WIF1: variants seen among roughly 807,000 people sequenced by gnomAD.
WIF1 encodes Wnt inhibitory factor 1.
A neutral mutation model predicts 53.5 loss-of-function variants in WIF1; 35 were observed. The ratio of observed to expected loss-of-function variants is 0.65; its 90% CI spans 0.50 to 0.87. The LOEUF is 0.87. WIF1 is among the 40% of genes least tolerant of loss of function. The pLI is 0.00. For synonymous variants in WIF1, 171 were observed against 170.4 expected, an observed-to-expected ratio of 1.00 and a Z score of -0.03; for missense variants, 467 against 476.8, an observed-to-expected ratio of 0.98 and a Z score of 0.19.
chr12:65,115,174 TAAA>T (rs35429732), intron 2 of WIF1, among the ~76,000 whole-genome samples: 3 of 106,738 alleles, frequency 2.8e-5, no homozygotes, highest in East Asian at 2.7e-4. Flanking sequence ...TTGTCATTGC[TAAA>T]AAAAAAAAAA....
chr12:65,117,700 G>A (rs1883533639), intron 2 of WIF1, among the ~76,000 whole-genome samples: 1 of 152,132 alleles, frequency 6.6e-6, no homozygotes, highest in Admixed American at 6.5e-5. Flanking sequence ...GCAACTAGAC[G>A]GTCCTATATG....
chr12:65,078,772 T>A (rs1383975719), intron 2 of WIF1, among the ~76,000 whole-genome samples: 1 of 152,170 alleles, frequency 6.6e-6, no homozygotes, highest in Non-Finnish European at 1.5e-5. Flanking sequence ...GTTGAGAAAA[T>A]GATTCCTGCT....
chr12:65,097,859 T>A (rs1165250440), intron 2 of WIF1, among the ~76,000 whole-genome samples: 2 of 152,212 alleles, frequency 1.3e-5, no homozygotes, highest in Admixed American at 6.6e-5. Flanking sequence ...TCATATCACT[T>A]CGTGTGATAG....
At chr12:65,056,797 G>A (rs1223589373) in intron 7 of WIF1, among the ~76,000 whole-genome samples, 1 of 151,694 alleles carries the variant, frequency 6.6e-6, no homozygotes, top group African/African-American at 2.4e-5. Flanking sequence ...ACACAGACAT[G>A]TGCCACCATG....
At chr12:65,057,154 A>G (rs922730665) in intron 7 of WIF1, among the ~76,000 whole-genome samples, 7 of 152,184 alleles carry the variant, frequency 4.6e-5, no homozygotes, top group Non-Finnish European at 1.0e-4. Context: ...TTGTGGGTGG[A>G]AAACAGGAGT....
In WIF1 at chr12:65,109,487, T is replaced by C. The variant is rs141164018; in HGVS notation, c.288+10930A>G. 7.1e-3 allele frequency among the ~76,000 whole-genome samples: 1,081 copies of C among 152,316 alleles called. 10 individuals are homozygous for C. Among genetic ancestry groups the C allele is most frequent in the African/African-American group, 0.024 (994 of 41,568 alleles). ...TTGCCCCTTTGGTTGGGTTCCCATA[T>C]ACATACATAATACCACAGTTATTAT... is the stretch of plus-strand genomic sequence containing the variant. On this transcript the variant is annotated intron_variant, in intron 2 of 9. Coordinates refer to ENST00000286574, the MANE Select transcript of WIF1 (RefSeq NM_007191.5).
chr12:65,056,331 T>C (rs1458351749), intron 7 of WIF1, among the ~76,000 whole-genome samples: 1 of 150,248 alleles, frequency 6.7e-6, no homozygotes, highest in Non-Finnish European at 1.5e-5. Flanking sequence ...TGCTTTTGGA[T>C]TATAAATGTG....
intron 2 of WIF1, among the ~76,000 whole-genome samples, chr12:65,082,810 G>A (rs1882969614): frequency 6.6e-6 from 1 of 152,104 alleles, no homozygotes; most frequent in African/African-American, 2.4e-5. Context: ...TTCTACCTTT[G>A]AAGTTCTGTG....
At position 65,121,187 on chromosome 12, in the gene WIF1, G is replaced by T. The variant is rs768745974; in HGVS notation, c.5C>A (p.Ala2Asp). ...GGCGGCAGGGAAGGCGCTCCTCCGG[G>T]CCATGCTGCTCAGGACCTCCTCGCT... M[A>D]RRSAFPAAAL... Residue 2 changes from alanine to aspartate, a missense_variant, in exon 1 of 10, where the codon GCC (alanine) becomes GAC (aspartate). Ala to Asp is a moderately radical substitution (Grantham distance 126). Transcript: ENST00000286574. 1 of 1,533,612 alleles carries T rather than the reference G, an allele frequency of 6.5e-7. No homozygotes were observed. The highest frequency in any genetic ancestry group is 2.5e-5 in the East Asian group (1 of 40,640).
At chr12:65,085,448 AG>A (rs1301343001) in intron 2 of WIF1, among the ~76,000 whole-genome samples, 1 of 152,174 alleles carries the variant, frequency 6.6e-6, no homozygotes, top group Non-Finnish European at 1.5e-5. Flanking sequence ...GGCCATTAAA[AG>A]TTTCAGATTT....
chr12:65,098,414 G>C (rs1031077658), intron 2 of WIF1, among the ~76,000 whole-genome samples: 1 of 152,028 alleles, frequency 6.6e-6, no homozygotes, highest in Admixed American at 6.6e-5. Context: ...AGATCATATG[G>C]GGAAGTGGAG....
intron 3 of WIF1, 114 bp from the exon 4 acceptor site, chr12:65,069,018 G>A: frequency 8.6e-7 from 1 of 1,159,314 alleles, no homozygotes; most frequent in Non-Finnish European, 1.2e-6. Context: ...CACATGTTGT[G>A]GATTTCCTTG....
intron 2 of WIF1, among the ~76,000 whole-genome samples, chr12:65,101,091 G>A (rs533055551): frequency 6.6e-6 from 1 of 151,842 alleles, no homozygotes; most frequent in South Asian, 2.1e-4. Context: ...AATTTATGAT[G>A]GAAAAATGTA....
At chr12:65,087,073 G>A (rs900484524) in intron 2 of WIF1, among the ~76,000 whole-genome samples, 1 of 152,030 alleles carries the variant, frequency 6.6e-6, no homozygotes, top group South Asian at 2.1e-4. Flanking sequence ...CTGCTTAAAC[G>A]TGGGAGGCAG....
intron 2 of WIF1, among the ~76,000 whole-genome samples, chr12:65,087,715 G>A (rs1226889483): frequency 6.6e-6 from 1 of 152,010 alleles, no homozygotes; most frequent in African/African-American, 2.4e-5. Context: ...TATGAGAAGA[G>A]CCTTAATTTG....
At chr12:65,112,522 T>C (rs552304881) in intron 2 of WIF1, among the ~76,000 whole-genome samples, 1 of 150,546 alleles carries the variant, frequency 6.6e-6, no homozygotes, top group East Asian at 2.0e-4. Context: ...TAAATGAGGG[T>C]TGTGGAAAAA....
In WIF1 at chr12:65,068,843, A is replaced by T; in HGVS notation, c.459T>A (p.Asp153Glu). The part of the protein sequence containing the change: ...KQDGVAAFEV[D>E]VIVMNSEGNT... ...TGCCTTCAGAATTCATAACAATCAC[A>T]TCCACTTCAAATGCTGCCACCCCAT... Residue 153 changes from aspartate to glutamate, a missense_variant, in exon 4 of 10, where the codon GAT becomes GAA. By Grantham distance (45) the Asp-to-Glu change is conservative. Transcript: ENST00000286574. 6.2e-7 allele frequency: 1 copy of T among 1,613,694 alleles called. No individual in the cohort carries two copies. Among genetic ancestry groups the T allele is most frequent in the Non-Finnish European group, 8.5e-7 (1 of 1,179,728 alleles).
intron 3 of WIF1, among the ~76,000 whole-genome samples, chr12:65,071,822 G>A (rs1882778173): frequency 1.3e-5 from 2 of 152,170 alleles, no homozygotes; most frequent in Middle Eastern, 3.4e-3. Context: ...AAATTAGGAG[G>A]TACCTAGCTT....
rs1373180353 is a variant in WIF1, at chr12:65,077,768, T to A, written c.375A>T (p.Gly125=). The stretch of plus-strand genomic sequence containing the variant: ...CACCTGATGCCTTGTGAGGCACTGT[T>A]CCCAGCAGAGGGACATTGACGGTTG... ...ADPTVNVPLL[G]TVPHKASVVQ... Residue 125 remains glycine, a synonymous_variant, in exon 3 of 10, where the codon GGA becomes GGT. Transcript: ENST00000286574. 2 of 1,613,680 alleles carry A rather than the reference T, an allele frequency of 1.2e-6. No individual in the cohort carries two copies. The highest frequency in any genetic ancestry group is 2.7e-5 in the African/African-American group (2 of 74,894).
Sources: gnomAD v4.1 joint callset for allele counts (sites outside exome capture counted in the v4.1 genomes callset) on GRCh38, gnomAD v4.1.1 for gene constraint, MANE v1.5 for transcripts, NCBI Gene and HGNC (gene_info 2026-07-23, HGNC 2026-07-21) for gene names.